Variants in XPO6 observed in about 807,000 individuals in gnomAD.
XPO6 encodes exportin-6.
Under a neutral mutation model 130.0 loss-of-function variants are expected in XPO6, and 3 were observed. The ratio of observed to expected loss-of-function variants is 0.02; its 90% CI spans 0.01 to 0.06. XPO6 has a LOEUF of 0.06. XPO6 is among the 10% of genes least tolerant of loss of function. XPO6 has a pLI of 1.00. For synonymous variants in XPO6, 524 were observed against 548.9 expected (o/e 0.95, Z 0.63); for missense variants, 970 against 1,393.0 (o/e 0.70, Z 4.83).
At chr16:28,199,627 T>G (rs1293461739) in intron 1 of XPO6, among the ~76,000 whole-genome samples, 1 of 150,092 alleles carries the variant, frequency 6.7e-6, no homozygotes, top group Non-Finnish European at 1.5e-5. Flanking sequence ...AGTGCAATGG[T>G]GCAATCTCAG....
At chr16:28,098,862 C>CA (rs1376690334) in intron 23 of XPO6, among the ~76,000 whole-genome samples, 4 of 152,172 alleles carry the variant, frequency 2.6e-5, no homozygotes, top group Admixed American at 6.5e-5. Flanking sequence ...TCTCGGGTGC[C>CA]AGACACTGCT....
chr16:28,187,297 A>T (rs1459017867), intron 1 of XPO6, among the ~76,000 whole-genome samples: 2 of 152,176 alleles, frequency 1.3e-5, no homozygotes, highest in African/African-American at 4.8e-5. Context: ...TCCTACACAG[A>T]TTACAGTACA....
intron 1 of XPO6, among the ~76,000 whole-genome samples, chr16:28,193,496 T>C (rs975263553): frequency 3.9e-5 from 6 of 152,164 alleles, no homozygotes; most frequent in Non-Finnish European, 7.3e-5. Flanking sequence ...CTAAAACTTG[T>C]ACAATATAAA....
In XPO6 at chr16:28,125,757, G is replaced by T. The variant is rs1433630284; in HGVS notation, c.1698C>A (p.Arg566=). 6.2e-7 allele frequency: 1 copy of T among 1,614,190 alleles called. No homozygotes were observed. The highest frequency in any genetic ancestry group is 1.7e-5 in the Admixed American group (1 of 60,026). The change falls in exon 13 of 24, where the codon CGC becomes CGA. Residue 566 remains arginine, a synonymous_variant. Coordinates refer to ENST00000304658, the MANE Select transcript of XPO6 (RefSeq NM_015171.4). The stretch of plus-strand genomic sequence containing the variant: ...CATCCCCGATAAAGTACTCGGCCAG[G>T]CGGCCCACGGCCTGCAGCAGGGAGC... The part of the protein sequence containing the change: ...DLSSLLQAVG[R]LAEYFIGDVF...
chr16:28,116,482 A>C (rs2087061583), intron 15 of XPO6, among the ~76,000 whole-genome samples: 1 of 150,920 alleles, frequency 6.6e-6, no homozygotes. Context: ...AAAACGACAA[A>C]AAAAAAAAAA....
In XPO6 at chr16:28,106,346, T is replaced by A. The variant is rs778831044; in HGVS notation, c.2612+37A>T. On this transcript the variant is annotated intron_variant, in intron 19 of 23. Transcript: ENST00000304658. This position sits in a 1 kb window ranked among gnomAD's most constrained non-coding sequence, Gnocchi z 4.2. ...GTCGCCAGACCCACCACTTCTCCCT[T>A]GAATCTGAAAACTATAGATGGTGGG... 1 of 1,610,954 alleles carries A rather than the reference T, an allele frequency of 6.2e-7. No homozygotes were observed. The highest frequency in any genetic ancestry group is 2.2e-5 in the East Asian group (1 of 44,848).
intron 1 of XPO6, among the ~76,000 whole-genome samples, chr16:28,184,822 G>C (rs1257919159): frequency 6.6e-6 from 1 of 152,178 alleles, no homozygotes; most frequent in Admixed American, 6.5e-5. Flanking sequence ...ACCAGCACAT[G>C]CATGTACTGC....
intron 1 of XPO6, among the ~76,000 whole-genome samples, chr16:28,185,857 C>T (rs188345724): frequency 3.8e-4 from 58 of 152,328 alleles, no homozygotes; most frequent in African/African-American, 1.3e-3. Flanking sequence ...TTAAGCTTGG[C>T]TCAGAATATA....
At chr16:28,172,072 T>C (rs933957764) in intron 4 of XPO6, among the ~76,000 whole-genome samples, 14 of 152,104 alleles carry the variant, frequency 9.2e-5, no homozygotes, top group African/African-American at 3.4e-4. Context: ...CCCTACGATA[T>C]GGAAAATCTA....
chr16:28,195,221 T>C (rs1015072233), intron 1 of XPO6, among the ~76,000 whole-genome samples: 1 of 152,024 alleles, frequency 6.6e-6, no homozygotes, highest in Non-Finnish European at 1.5e-5. Flanking sequence ...GCAATACACT[T>C]TTGGTGATTT....
At chr16:28,126,569 T>C (rs576742436) in intron 12 of XPO6, 10 of 152,222 alleles carry the variant, frequency 6.6e-5, no homozygotes, top group Non-Finnish European at 1.5e-4. Flanking sequence ...TTCTAATTAT[T>C]ATAAATAACA....
chr16:28,148,076 T>C (rs1292416665), intron 8 of XPO6, among the ~76,000 whole-genome samples: 1 of 152,192 alleles, frequency 6.6e-6, no homozygotes. Context: ...TTATCCCTCC[T>C]TGGTTCAAAA....
chr16:28,191,656 A>C (rs1229818071), intron 1 of XPO6, among the ~76,000 whole-genome samples: 1 of 152,236 alleles, frequency 6.6e-6, no homozygotes, highest in East Asian at 1.9e-4. Flanking sequence ...GGGGCAGGCC[A>C]CCAGAGCTCT....
intron 12 of XPO6, chr16:28,126,760 C>CT (rs2087425395): frequency 6.6e-6 from 1 of 152,122 alleles, no homozygotes; most frequent in South Asian, 2.1e-4. Flanking sequence ...TTTTCAGAGA[C>CT]CTGCAGGAAC....
Position 28,113,042 on chromosome 16 carries a change from G to A in XPO6, c.2013C>T (p.Asp671=), listed in dbSNP as rs770163744. ...AGTGGCACGCAGATAGCAGCAGCTT[G>A]TCTTGGACCTGCAGAGGGAAGAGGG... ...ITPLISTKVQ[D]KLLLSACHLL... Residue 671 remains aspartate (D), a synonymous_variant, in exon 16 of 24, where the codon GAC becomes GAT. Coordinates refer to ENST00000304658, the MANE Select transcript of XPO6 (RefSeq NM_015171.4). 6.2e-7 allele frequency: 1 copy of A among 1,613,880 alleles called. No homozygotes were observed. The highest frequency in any genetic ancestry group is 8.5e-7 in the Non-Finnish European group (1 of 1,179,874).
At chr16:28,108,275 T>C (rs1352090723) in intron 17 of XPO6, among the ~76,000 whole-genome samples, 2 of 152,204 alleles carry the variant, frequency 1.3e-5, no homozygotes, top group African/African-American at 4.8e-5. Flanking sequence ...TATTATGTTA[T>C]TGACAATACA....
At chr16:28,180,823 G>T (rs1452339572) in intron 2 of XPO6, 118 bp downstream of exon 2, 9 of 733,300 alleles carry the variant, frequency 1.2e-5, no homozygotes, top group Non-Finnish European at 1.7e-5. Flanking sequence ...AGCGAAAAGA[G>T]CAAGAATTCA....
intron 13 of XPO6, 100 bp downstream of exon 13, chr16:28,125,589 G>T: frequency 6.9e-7 from 1 of 1,451,538 alleles, no homozygotes; most frequent in Non-Finnish European, 9.3e-7. Context: ...TTTACCCGGG[G>T]CCAGAGCAGA....
In XPO6 at chr16:28,111,866, G is replaced by A. The variant is rs776466421; in HGVS notation, c.2292C>T (p.Asn764=). The A allele has an allele frequency of 2.5e-6, 4 of 1,614,170 alleles. No individual in the cohort carries two copies. Among genetic ancestry groups the A allele is most frequent in the Non-Finnish European group, 3.4e-6 (4 of 1,180,016 alleles). ...LISALSRDYR[N]LKPSAVAPQR... ...GTGGGGCAACAGCACTGGGCTTCAGGTTGCGATAGTCCCGGGAGAGTGCAG... is the reference window on the plus strand; with the variant it reads ...GTGGGGCAACAGCACTGGGCTTCAGATTGCGATAGTCCCGGGAGAGTGCAG... The change falls in exon 17 of 24, where the codon AAC becomes AAT. Residue 764 remains asparagine, a synonymous_variant. Transcript: ENST00000304658.
Sources: allele counts gnomAD v4.1 joint callset (sites outside exome capture counted in the v4.1 genomes callset), GRCh38; gene constraint gnomAD v4.1.1; non-coding constraint Gnocchi (gnomAD v3.1); transcripts MANE v1.5; gene names NCBI Gene and HGNC (gene_info 2026-07-23, HGNC 2026-07-21).